Variants in PUS7L observed in about 807,000 individuals in gnomAD.
PUS7L encodes pseudouridine synthase 7 like, also known as pseudouridylate synthase PUS7L.
Under a neutral mutation model 51.1 loss-of-function variants are expected in PUS7L, and 49 were observed. The observed-to-expected ratio is 0.96, with a 90% CI of 0.76 to 1.22. The LOEUF (loss-of-function observed/expected upper bound fraction) is 1.22, where lower values mean the gene tolerates loss of function less well. Ranked by LOEUF, PUS7L falls within the 50% of genes most tolerant of loss-of-function variation. The pLI is 0.00. For missense variants in PUS7L, 828 were observed against 820.6 expected, an observed-to-expected ratio of 1.01 and a Z score of -0.11; for synonymous variants, 277 against 276.2, an observed-to-expected ratio of 1.00 and a Z score of -0.03.
At chr12:43,745,680 A>C (rs1007107025) in intron 4 of PUS7L, among the ~76,000 whole-genome samples, 4 of 152,202 alleles carry the variant, frequency 2.6e-5, no homozygotes, top group African/African-American at 9.7e-5. Flanking sequence ...TGTGTGATTT[A>C]TAATGTGTAT....
chr12:43,748,366 A>C (rs1938272486), intron 3 of PUS7L, 84 bp downstream of exon 3: 2 of 950,620 alleles, frequency 2.1e-6, no homozygotes, highest in Non-Finnish European at 3.2e-6. Context: ...TGAATGCAGT[A>C]CAGGATGTTT....
intron 2 of PUS7L, among the ~76,000 whole-genome samples, chr12:43,752,536 G>T (rs547111118): frequency 1.1e-4 from 16 of 152,276 alleles, no homozygotes; most frequent in African/African-American, 3.9e-4. Flanking sequence ...CACCTACCAT[G>T]GGGTATTATT....
chr12:43,730,392 A>ATTAT lies in PUS7L; in HGVS notation c.2086_2089dup (p.Met697AsnfsTer5). 3.1e-6 allele frequency: 5 copies of ATTAT among 1,613,252 alleles called. No homozygotes were observed. Among genetic ancestry groups the ATTAT allele is most frequent in the Non-Finnish European group, 4.2e-6 (5 of 1,179,412 alleles). On this transcript the variant is annotated frameshift_variant, in exon 9 of 9. Coordinates refer to ENST00000344862, the MANE Select transcript of PUS7L (RefSeq NM_031292.5). LOFTEE classifies it high-confidence loss of function. ...GTATCAGTTTTAAACGTCATGCTTC[A>ATTAT]TTATTTCCTTCAGACAAACGGTAGC...
chr12:43,751,721 T>G (rs1024905143), intron 2 of PUS7L, among the ~76,000 whole-genome samples: 109 of 152,214 alleles, frequency 7.2e-4, no homozygotes, highest in African/African-American at 2.5e-3. Flanking sequence ...CCAGTAATGG[T>G]ATGGCTGGGT....
rs1938162620 is a variant in PUS7L, at chr12:43,746,194, A to C, written c.1115T>G (p.Val372Gly). The C allele has an allele frequency of 1.4e-6, 2 of 1,468,410 alleles. No homozygotes were observed. Among genetic ancestry groups the C allele is most frequent in the East Asian group, 2.4e-5 (1 of 42,546 alleles). The allele number at this position is 1,468,410 out of a possible 1,614,324, so 91.0% of individuals were successfully genotyped here. A position where few individuals can be genotyped will look rare whatever the true frequency, so the allele number is the denominator to read the frequency against. The change falls in exon 4 of 9, where the codon GTC (valine) becomes GGC (glycine). Residue 372 changes from valine to glycine, a missense_variant. Val to Gly is a moderately radical substitution (Grantham distance 109). Transcript: ENST00000344862. ...ATCATCTACAGACCGAATATTAAAGACATTCATTCTTTTCTTTTCAATTTC... is the reference window on the plus strand; with the variant it reads ...ATCATCTACAGACCGAATATTAAAGCCATTCATTCTTTTCTTTTCAATTTC... The part of the protein sequence containing the change: ...EKEIEKKRMN[V>G]FNIRSVDDSL...
At chr12:43,742,421 AG>A (rs745749153) in intron 5 of PUS7L, 35 bp downstream of exon 5, 3 of 1,443,484 alleles carry the variant, frequency 2.1e-6, no homozygotes, top group Admixed American at 3.7e-5. Context: ...TATAATTGAC[AG>A]AAACAGATAA....
At position 43,736,457 on chromosome 12, in the gene PUS7L, T is replaced by C. The variant is rs779403105; in HGVS notation, c.1649A>G (p.Tyr550Cys). 8.7e-6 allele frequency: 14 copies of C among 1,614,080 alleles called. No homozygotes were observed. The highest frequency in any genetic ancestry group is 1.3e-5 in the African/African-American group (1 of 74,928). Residue 550 changes from tyrosine (Y) to cysteine (C), a missense_variant, in exon 7 of 9, where the codon TAT becomes TGT. By Grantham distance (194) the Tyr-to-Cys change is radical. Coordinates refer to ENST00000344862, the MANE Select transcript of PUS7L (RefSeq NM_031292.5). ...NEAVSYRLET[Y>C]GARVVQGDLV... ...ATCACCCTGCACTACTCTTGCTCCA[T>C]AGGTTTCAAGTCTGTAAGATACTGC... is the stretch of plus-strand genomic sequence containing the variant.
At chr12:43,738,930 C>G (rs552370263) in intron 5 of PUS7L, 6 of 185,278 alleles carry the variant, frequency 3.2e-5, no homozygotes, top group Middle Eastern at 4.7e-3. Flanking sequence ...TTAAATAGTT[C>G]TTTAATATTT....
chr12:43,744,814 G>A, intron 4 of PUS7L, among the ~76,000 whole-genome samples: 1 of 152,262 alleles, frequency 6.6e-6, no homozygotes, highest in African/African-American at 2.4e-5. Flanking sequence ...TGGCTCTAAA[G>A]TACAGTCACC....
At position 43,731,760 on chromosome 12, in the gene PUS7L, T is replaced by A; in HGVS notation, c.1726-2A>T. The stretch of plus-strand genomic sequence containing the variant: ...CTCCTCTTCAGTTACCAGGTGAATC[T>A]AGTTTTAAAAAACATGAAAATATGA... On this transcript the variant is annotated splice_acceptor_variant, in intron 7 of 8. Transcript: ENST00000344862. LOFTEE classifies it high-confidence loss of function. 1 of 1,560,718 alleles carries A rather than the reference T, an allele frequency of 6.4e-7. No individual in the cohort carries two copies. Among genetic ancestry groups the A allele is most frequent in the Admixed American group, 1.8e-5 (1 of 57,024 alleles).
Position 43,736,411 on chromosome 12 carries a change from G to T in PUS7L, c.1695C>A (p.Asp565Glu). Reference sequence around the variant, plus strand: ...TATTTGGGAAATTCTCGTCATCAATGTCTTCATCCAAACAGACCAAATCAC... The same window carrying T: ...TATTTGGGAAATTCTCGTCATCAATTTCTTCATCCAAACAGACCAAATCAC... ...VQGDLVCLDE[D>E]IDDENFPNSK... The change falls in exon 7 of 9, where the codon GAC becomes GAA. Residue 565 changes from aspartate (D) to glutamate (E), a missense_variant. Transcript: ENST00000344862. The T allele has an allele frequency of 6.2e-7, 1 of 1,614,094 alleles. No homozygotes were observed.
chr12:43,745,669 G>A (rs980362303), intron 4 of PUS7L, among the ~76,000 whole-genome samples: 2 of 152,110 alleles, frequency 1.3e-5, no homozygotes, highest in African/African-American at 4.8e-5. Flanking sequence ...CTAATACAGT[G>A]TGTGTGATTT....
In PUS7L at chr12:43,721,147, A is replaced by T. The variant is rs1338280144; in HGVS notation, c.*9229T>A. On this transcript the variant is annotated 3_prime_UTR_variant, in exon 9 of 9. Coordinates refer to ENST00000344862, the MANE Select transcript of PUS7L (RefSeq NM_031292.5). Reference sequence around the variant, plus strand: ...TATTAAATAATCACTAGCTAGGCAAAGTGGAAAACTGAAGCACTTTCCATT... The same window carrying T: ...TATTAAATAATCACTAGCTAGGCAATGTGGAAAACTGAAGCACTTTCCATT... 1 of 152,178 alleles carries T rather than the reference A, an allele frequency of 6.6e-6. No individual in the cohort carries two copies. Among genetic ancestry groups the T allele is most frequent in the Non-Finnish European group, 1.5e-5 (1 of 68,026 alleles). 9.4% of individuals were successfully genotyped at this position (152,178 alleles called of 1,614,324 possible).
rs1369831219 is a variant in PUS7L at position 43,742,495 on chromosome 12, TG to T, written c.1323del (p.His441GlnfsTer7). The T allele has an allele frequency of 6.2e-7, 1 of 1,610,920 alleles. No individual in the cohort carries two copies. The highest frequency in any genetic ancestry group is 8.5e-7 in the Non-Finnish European group (1 of 1,178,842). On this transcript the variant is annotated frameshift_variant, in exon 5 of 9. Transcript: ENST00000344862. LOFTEE classifies it high-confidence loss of function. ...AGCAAAGCTAGTCCAATTTGGTCTG[TG>T]TGAACTTTCCTTCCCTTCCCAAATC... is the stretch of plus-strand genomic sequence containing the variant. The part of the protein sequence containing the change: ...PQRFGKGRKV[H>X]TDQIGLALLK...
At chr12:43,748,734 T>G in intron 2 of PUS7L, 125 bp from the exon 3 acceptor site, 1 of 847,170 alleles carries the variant, frequency 1.2e-6, no homozygotes, top group South Asian at 1.9e-5. Context: ...TTGTTGTTGT[T>G]GTTGTTTTGT....
Position 43,730,184 on chromosome 12 carries a change from C to A in PUS7L, c.*192G>T. ...ACACAGGCTTTGGGGTCACATGGACCTTAAATTTGGACCCTGACACTTACA... is the reference window on the plus strand; with the variant it reads ...ACACAGGCTTTGGGGTCACATGGACATTAAATTTGGACCCTGACACTTACA... On this transcript the variant is annotated 3_prime_UTR_variant, in exon 9 of 9. Coordinates refer to ENST00000344862, the MANE Select transcript of PUS7L (RefSeq NM_031292.5). 1.8e-6 allele frequency: 1 copy of A among 547,574 alleles called. No individual in the cohort carries two copies. Among genetic ancestry groups the A allele is most frequent in the South Asian group, 2.7e-5 (1 of 36,822 alleles). 33.9% of individuals were successfully genotyped at this position (547,574 alleles called of 1,614,324 possible). A position where few individuals can be genotyped will look rare whatever the true frequency, so the allele number is the denominator to read the frequency against.
At chr12:43,751,418 A>T (rs917362764) in intron 2 of PUS7L, among the ~76,000 whole-genome samples, 1 of 141,448 alleles carries the variant, frequency 7.1e-6, no homozygotes, top group African/African-American at 2.7e-5. Flanking sequence ...TCATTGTTCA[A>T]TTCCCACCTA....
intron 5 of PUS7L, 55 bp from the exon 6 acceptor site, chr12:43,738,446 T>TA: frequency 8.6e-6 from 8 of 934,206 alleles, no homozygotes; most frequent in South Asian, 2.8e-5. Context: ...ATTACTTTCT[T>TA]TAAAAAAAGA....
rs1460589298 is a variant in PUS7L, at chr12:43,719,766, CTATTA to C, written c.*10605_*10609del. On this transcript the variant is annotated 3_prime_UTR_variant, in exon 9 of 9. Transcript: ENST00000344862. ...TTGGCAGAAAATTGTTCATAATATTCTATTATCTTTTTAATTTTTACAGCACCTAT... is the reference window on the plus strand; with the variant it reads ...TTGGCAGAAAATTGTTCATAATATTCTCTTTTTAATTTTTACAGCACCTAT... 1.3e-5 allele frequency: 2 copies of C among 151,970 alleles called. No homozygotes were observed. Among genetic ancestry groups the C allele is most frequent in the South Asian group, 2.1e-4 (1 of 4,814 alleles). The allele number at this position is 151,970 out of a possible 1,614,324, so 9.4% of individuals were successfully genotyped here. A position where few individuals can be genotyped will look rare whatever the true frequency, so the allele number is the denominator to read the frequency against.
Sources: gnomAD v4.1 joint callset for allele counts (sites outside exome capture counted in the v4.1 genomes callset) on GRCh38, gnomAD v4.1.1 for gene constraint, MANE v1.5 for transcripts, NCBI Gene and HGNC (gene_info 2026-07-23, HGNC 2026-07-21) for gene names.